MBD4: variants seen among roughly 807,000 people sequenced by gnomAD.
MBD4 encodes the protein methyl-CpG-binding domain protein 4.
MBD4 carries 53 observed loss-of-function variants against 60.2 expected under a neutral mutation model. That is an observed-to-expected ratio of 0.88 (90% CI 0.71 to 1.11). MBD4 has a LOEUF of 1.11. Among genes scored for constraint, MBD4 ranks in the 50% least tolerant of loss-of-function variants. The pLI is 0.00. For missense variants in MBD4, 619 were observed against 674.0 expected (o/e 0.92, Z 0.90); for synonymous variants, 231 against 229.8 (o/e 1.01, Z -0.05).
intron 1 of MBD4, among the ~76,000 whole-genome samples, chr3:129,439,018 A>T (rs912706800): frequency 7.2e-5 from 11 of 152,184 alleles, no homozygotes; most frequent in Admixed American, 4.6e-4. Context: ...TTAAAAAAAA[A>T]ATTTCAGTAA....
chr3:129,439,597 G>A, intron 1 of MBD4, 133 bp downstream of exon 1: 1 of 729,578 alleles, frequency 1.4e-6, no homozygotes, highest in Non-Finnish European at 2.5e-6. Flanking sequence ...CCAGACCCTA[G>A]TAACTAAACC....
At chr3:129,431,661 G>A (rs2072346838) in intron 7 of MBD4, 83 bp from the exon 8 acceptor site, 1 of 936,162 alleles carries the variant, frequency 1.1e-6, no homozygotes, top group Non-Finnish European at 1.7e-6. Flanking sequence ...CTTTTTAAAT[G>A]TTTGCTGGGG....
At chr3:129,437,531 A>G (rs2072489818) in intron 2 of MBD4, among the ~76,000 whole-genome samples, 189 bp downstream of exon 2, 1 of 152,110 alleles carries the variant, frequency 6.6e-6, no homozygotes. Context: ...AACCATTCAC[A>G]GAAGGAGGGA....
At chr3:129,433,664 A>T in intron 5 of MBD4, 186 bp downstream of exon 5, 1 of 655,688 alleles carries the variant, frequency 1.5e-6, no homozygotes, top group South Asian at 1.9e-5. Context: ...CTACCTCTTT[A>T]TTCTAAAAGG....
At chr3:129,431,646 ATT>A in intron 7 of MBD4, 68 bp from the exon 8 acceptor site, 1 of 1,232,322 alleles carries the variant, frequency 8.1e-7, no homozygotes, top group Non-Finnish European at 1.2e-6. Context: ...ATTTTTTAAA[ATT>A]GGCTTTTTAA....
At chr3:129,436,412 A>C in intron 3 of MBD4, 49 bp downstream of exon 3, 1 of 1,607,248 alleles carries the variant, frequency 6.2e-7, no homozygotes, top group Non-Finnish European at 8.5e-7. Flanking sequence ...TCATCACATA[A>C]TGTTTAATAG....
intron 1 of MBD4, among the ~76,000 whole-genome samples, chr3:129,438,295 C>T (rs1277296125): frequency 6.6e-6 from 1 of 152,134 alleles, no homozygotes; most frequent in East Asian, 1.9e-4. Context: ...TCTTAAGCAC[C>T]AGAAAATGCT....
In MBD4 at chr3:129,433,172, C is replaced by T. The variant is rs897132425; in HGVS notation, c.1469G>A (p.Trp490Ter). The change falls in exon 6 of 8, where the codon TGG (tryptophan) becomes TAG (stop). Residue 490 changes from tryptophan to a stop codon, truncating the protein, a stop_gained. Transcript: ENST00000429544. LOFTEE classifies it high-confidence loss of function. Reference sequence around the variant, plus strand: ...TTTAAGAAGTTCTGACACATCTCTCCAGTCTGCGGTTCTTGCTACCTCAGC... The same window carrying T: ...TTTAAGAAGTTCTGACACATCTCTCTAGTCTGCGGTTCTTGCTACCTCAGC... ...PSAEVARTADWRDVSELLKPL... is the reference protein window; with the variant it reads ...PSAEVARTAD The T allele has an allele frequency of 5.6e-6, 9 of 1,614,046 alleles. No homozygotes were observed. In the African/African-American group the frequency reaches 8.0e-5, roughly 14 times the overall value.
intron 7 of MBD4, chr3:129,432,222 A>G: frequency 7.0e-7 from 1 of 1,427,338 alleles, no homozygotes; most frequent in Non-Finnish European, 9.1e-7. Flanking sequence ...TCAGGCTTAG[A>G]GATAGCACAC....
At chr3:129,438,416 C>T (rs1194021078) in intron 1 of MBD4, among the ~76,000 whole-genome samples, 1 of 152,050 alleles carries the variant, frequency 6.6e-6, no homozygotes, top group African/African-American at 2.4e-5. Context: ...AGATGTAATC[C>T]TCCAGAAGGT....
Position 129,439,810 on chromosome 3 carries a change from A to C in MBD4, c.24T>G (p.Ser8Arg). The change falls in exon 1 of 8, where the codon AGT becomes AGG. Residue 8 changes from serine (S) to arginine (R), a missense_variant. Physicochemically the swap from Ser to Arg is moderately radical, Grantham distance 110. Transcript: ENST00000429544. MGTTGLESLSLGDRGAAP... is the reference protein window; with the variant it reads MGTTGLERLSLGDRGAAP... Reference sequence around the variant, plus strand: ...CAGCTCCGCGGTCCCCCAGACTCAGACTCTCCAGCCCAGTCGTGCCCATCG... The same window carrying C: ...CAGCTCCGCGGTCCCCCAGACTCAGCCTCTCCAGCCCAGTCGTGCCCATCG... The C allele has an allele frequency of 1.2e-6, 2 of 1,610,992 alleles. No individual in the cohort carries two copies. Among genetic ancestry groups the C allele is most frequent in the African/African-American group, 1.3e-5 (1 of 74,838 alleles).
intron 1 of MBD4, among the ~76,000 whole-genome samples, chr3:129,438,915 C>T (rs2072599439): frequency 6.6e-6 from 1 of 151,864 alleles, no homozygotes; most frequent in African/African-American, 2.4e-5. Flanking sequence ...GCCTGGGTGA[C>T]AGAGCGAGAC....
rs1428145601 is a variant in MBD4, at chr3:129,433,164, C to T, written c.1477G>A (p.Val493Met). Reference protein sequence around the residue: ...EVARTADWRDVSELLKPLGLY... With the variant: ...EVARTADWRDMSELLKPLGLY... ...CCAAGAGGTTTAAGAAGTTCTGACA[C>T]ATCTCTCCAGTCTGCGGTTCTTGCT... Residue 493 changes from valine (V) to methionine (M), a missense_variant, in exon 6 of 8, where the codon GTG (valine) becomes ATG (methionine). Val to Met is a conservative substitution (Grantham distance 21, BLOSUM62 1). Coordinates refer to ENST00000429544, the MANE Select transcript of MBD4 (RefSeq NM_001276270.2). The T allele has an allele frequency of 8.1e-6, 13 of 1,614,078 alleles. No homozygotes were observed. The highest frequency in any genetic ancestry group is 1.1e-5 in the Non-Finnish European group (13 of 1,180,026).
rs1220054137 is a variant in MBD4, at chr3:129,431,178, C to G, written c.*323G>C. 3 of 284,326 alleles carry G rather than the reference C, an allele frequency of 1.1e-5. No individual in the cohort carries two copies. The highest frequency in any genetic ancestry group is 2.0e-5 in the Non-Finnish European group (3 of 147,918). The allele number at this position is 284,326 out of a possible 1,614,324, so 17.6% of individuals were successfully genotyped here. On this transcript the variant is annotated 3_prime_UTR_variant, in exon 8 of 8. Transcript: ENST00000429544. ...ATATTTAGTGGGCCCCTAGCTTTAG[C>G]AAGGCTGATAGAAATTTGCTTTGTA...
At position 129,439,836 on chromosome 3, in the gene MBD4, A is replaced by G; in HGVS notation, c.-3T>C. On this transcript the variant is annotated 5_prime_UTR_variant, in exon 1 of 8. Transcript: ENST00000429544. ...CTCTCCAGCCCAGTCGTGCCCATCGAGCAGGGTCCGGCTGCAGCAACGAGC... is the reference window on the plus strand; with the variant it reads ...CTCTCCAGCCCAGTCGTGCCCATCGGGCAGGGTCCGGCTGCAGCAACGAGC... 1 of 1,607,726 alleles carries G rather than the reference A, an allele frequency of 6.2e-7. No homozygotes were observed. The highest frequency in any genetic ancestry group is 8.5e-7 in the Non-Finnish European group (1 of 1,175,848).
intron 1 of MBD4, among the ~76,000 whole-genome samples, chr3:129,439,302 G>GT (rs1386028154): frequency 6.6e-6 from 1 of 152,206 alleles, no homozygotes. Flanking sequence ...TCTACCAGCT[G>GT]TAAGTTTAGC....
At chr3:129,432,770 C>G (rs756026791) in intron 6 of MBD4, among the ~76,000 whole-genome samples, 164 bp from the exon 7 acceptor site, 8 of 152,212 alleles carry the variant, frequency 5.3e-5, no homozygotes, top group Non-Finnish European at 1.2e-4. Context: ...CCTGCAGCAC[C>G]CATATCATTT....
At position 129,433,350 on chromosome 3, in the gene MBD4, AAAG is replaced by A. The variant is rs374430966; in HGVS notation, c.1394-106_1394-104del. The A allele has an allele frequency of 6.6e-4, 777 of 1,185,456 alleles. 3 individuals carry two copies. In the African/African-American group the frequency reaches 0.01, roughly 16 times the overall value. The allele number at this position is 1,185,456 out of a possible 1,614,324, so 73.4% of individuals were successfully genotyped here. On this transcript the variant is annotated intron_variant, in intron 5 of 7. Transcript: ENST00000429544. ...TCTCATCCAGAGGGTTTTTTTTTTT[AAAG>A]AAAACAAAAAACAAAAAAACACTGG...
At chr3:129,439,128 A>C (rs2072623443) in intron 1 of MBD4, among the ~76,000 whole-genome samples, 1 of 152,240 alleles carries the variant, frequency 6.6e-6, no homozygotes, top group Non-Finnish European at 1.5e-5. Context: ...AACTGCAAGA[A>C]CTAGAATTAG....
Sources: allele counts gnomAD v4.1 joint callset (sites outside exome capture counted in the v4.1 genomes callset), GRCh38; gene constraint gnomAD v4.1.1; transcripts MANE v1.5; gene names NCBI Gene and HGNC (gene_info 2026-07-23, HGNC 2026-07-21).